COL15A1: variants seen among roughly 807,000 people sequenced by gnomAD.
The protein encoded by COL15A1 is collagen alpha-1(XV) chain.
In COL15A1, 111 loss-of-function variants were observed where a neutral mutation model predicts 165.9. That is an observed-to-expected ratio of 0.67 (90% CI 0.57 to 0.78). The LOEUF is 0.78. Ranked by LOEUF, COL15A1 falls within the 30% of genes least tolerant of loss-of-function variation. The pLI, the probability that COL15A1 is intolerant of heterozygous loss-of-function variation, is 0.00. For synonymous variants in COL15A1, 659 were observed against 674.8 expected, an observed-to-expected ratio of 0.98 and a Z score of 0.36; for missense variants, 1,745 against 1,789.7, an observed-to-expected ratio of 0.98 and a Z score of 0.45.
In COL15A1 at chr9:98,984,883, C is replaced by T. The variant is rs371554405; in HGVS notation, c.101-682C>T. Reference sequence around the variant, plus strand: ...CTCAGCTCACTGCAACCACCACCTCCGGGGTTCAAGTGATTCTGCTGCCTC... The same window carrying T: ...CTCAGCTCACTGCAACCACCACCTCTGGGGTTCAAGTGATTCTGCTGCCTC... On this transcript the variant is annotated intron_variant, in intron 2 of 41. Coordinates refer to ENST00000375001, the MANE Select transcript of COL15A1 (RefSeq NM_001855.5). Among the ~76,000 whole-genome samples the T allele has an allele frequency of 2.8e-4, 42 of 152,252 alleles. 1 individual carries two copies. In the South Asian group the frequency reaches 7.9e-3, roughly 29 times the overall value.
At chr9:99,058,236 G>C (rs1397029755) in intron 35 of COL15A1, among the ~76,000 whole-genome samples, 1 of 152,182 alleles carries the variant, frequency 6.6e-6, no homozygotes, top group Non-Finnish European at 1.5e-5. Flanking sequence ...TCCTGGGATG[G>C]GGAAGTCCTA....
chr9:98,969,725 G>T (rs949005870), intron 2 of COL15A1, among the ~76,000 whole-genome samples: 1 of 152,242 alleles, frequency 6.6e-6, no homozygotes, highest in Non-Finnish European at 1.5e-5. Context: ...GTGCTTCCTG[G>T]AGTGGGTCAG....
chr9:98,952,942 A>G (rs978653360), intron 2 of COL15A1, among the ~76,000 whole-genome samples: 15 of 152,128 alleles, frequency 9.9e-5, no homozygotes, highest in Non-Finnish European at 5.9e-5. Flanking sequence ...ACTTTGTGCT[A>G]TGTTTTACAG....
intron 6 of COL15A1, among the ~76,000 whole-genome samples, chr9:98,999,227 C>T (rs1838604544): frequency 6.6e-6 from 1 of 152,208 alleles, no homozygotes; most frequent in African/African-American, 2.4e-5. Context: ...GGGCCTGGCC[C>T]GGGGACAGGC....
At chr9:99,061,895 C>T in intron 36 of COL15A1, 76 bp from the exon 37 acceptor site, 1 of 1,520,216 alleles carries the variant, frequency 6.6e-7, no homozygotes, top group South Asian at 1.3e-5. Flanking sequence ...GTTGACTTTA[C>T]AGAGAGGCCA....
At chr9:99,002,179 C>T (rs182939599) in intron 7 of COL15A1, among the ~76,000 whole-genome samples, 71 of 148,528 alleles carry the variant, frequency 4.8e-4, no homozygotes, top group African/African-American at 1.7e-3. Context: ...TTCTCCCCTC[C>T]CCTCCTCTTC....
chr9:98,995,747 G>A (rs1838531506), intron 5 of COL15A1, among the ~76,000 whole-genome samples: 1 of 152,190 alleles, frequency 6.6e-6, no homozygotes, highest in Non-Finnish European at 1.5e-5. Context: ...TAGGACTCAA[G>A]GTGATTTCTC....
chr9:99,029,131 C>T (rs1446362054), intron 16 of COL15A1, among the ~76,000 whole-genome samples: 2 of 152,202 alleles, frequency 1.3e-5, no homozygotes, highest in African/African-American at 2.4e-5. Flanking sequence ...ATTCAGTTCT[C>T]GGAACACACC....
chr9:99,039,539 A>G (rs1423802431), intron 22 of COL15A1, among the ~76,000 whole-genome samples: 1 of 152,178 alleles, frequency 6.6e-6, no homozygotes. Flanking sequence ...ACCAAAATAT[A>G]CATTATTTCT....
chr9:99,017,101 G>A (rs1049173039), intron 11 of COL15A1, among the ~76,000 whole-genome samples: 1 of 152,260 alleles, frequency 6.6e-6, no homozygotes, highest in African/African-American at 2.4e-5. Flanking sequence ...CTTGTAGATA[G>A]AGATGAATGT....
At position 99,054,565 on chromosome 9, in the gene COL15A1, T is replaced by C; in HGVS notation, c.2951-11T>C. The C allele has an allele frequency of 6.3e-7, 1 of 1,599,854 alleles. No homozygotes were observed. Among genetic ancestry groups the C allele is most frequent in the Non-Finnish European group, 8.5e-7 (1 of 1,175,652 alleles). Reference sequence around the variant, plus strand: ...TCCATTTTTTTTTAACATGTATGTGTTTGGTGGCAGGTGTTAAAGGAGAGA... The same window carrying C: ...TCCATTTTTTTTTAACATGTATGTGCTTGGTGGCAGGTGTTAAAGGAGAGA... On this transcript the variant is annotated splice_polypyrimidine_tract_variant and intron_variant, in intron 31 of 41. Transcript: ENST00000375001.
Position 99,054,601 on chromosome 9 carries a change from G to T in COL15A1, c.2976G>T (p.Trp992Cys). The stretch of plus-strand genomic sequence containing the variant: ...GTGTTAAAGGAGAGAAAGGATCCTG[G>T]GGTCTTCCTGGCTCAAAGGGAGAAA... ...FHGVKGEKGS[W>C]GLPGSKGEKG... Residue 992 changes from tryptophan to cysteine, a missense_variant, in exon 32 of 42, where the codon TGG becomes TGT. By Grantham distance (215) the Trp-to-Cys change is radical. Transcript: ENST00000375001. 1 of 1,613,036 alleles carries T rather than the reference G, an allele frequency of 6.2e-7. No individual in the cohort carries two copies. Among genetic ancestry groups the T allele is most frequent in the Non-Finnish European group, 8.5e-7 (1 of 1,179,618 alleles).
intron 26 of COL15A1, among the ~76,000 whole-genome samples, chr9:99,045,226 G>A (rs1397294258): frequency 6.6e-6 from 1 of 152,228 alleles, no homozygotes; most frequent in Admixed American, 6.5e-5. Context: ...CCAGGAAGGA[G>A]AGGTGCACTT....
At chr9:99,022,610 C>T (rs995295275) in intron 13 of COL15A1, among the ~76,000 whole-genome samples, 8 of 152,178 alleles carry the variant, frequency 5.3e-5, no homozygotes, top group Non-Finnish European at 1.0e-4. Context: ...GTCTCTCCGC[C>T]TCCATGTCAC....
chr9:99,061,323 T>A lies in COL15A1; in HGVS notation c.3403-648T>A, dbSNP rs188735182. Among the ~76,000 whole-genome samples the A allele has an allele frequency of 7.4e-4, 112 of 152,352 alleles. No homozygotes were observed. In the South Asian group the frequency reaches 0.011, roughly 15 times the overall value. ...TGAAAAATAAAAACTCTCTTGGCCG[T>A]TATTTCTTTGAGATTTGATGCTATT... On this transcript the variant is annotated intron_variant, in intron 36 of 41. Coordinates refer to ENST00000375001, the MANE Select transcript of COL15A1 (RefSeq NM_001855.5).
chr9:98,993,813 C>T (rs986516704), intron 5 of COL15A1, among the ~76,000 whole-genome samples: 1 of 152,138 alleles, frequency 6.6e-6, no homozygotes, highest in Non-Finnish European at 1.5e-5. Flanking sequence ...TCAGACAGTC[C>T]CCGCCCGCCC....
rs183736471 is a variant in COL15A1, at chr9:99,036,031, G to A, written c.2290-139G>A. 5.8e-4 allele frequency: 393 copies of A among 679,338 alleles called. 1 individual carries two copies. In the African/African-American group the frequency reaches 6.2e-3, roughly 11 times the overall value. 42.1% of individuals were successfully genotyped at this position (679,338 alleles called of 1,614,324 possible). Reference sequence around the variant, plus strand: ...GTTGCTTCCTTCTGACTCCAGAAGGGGCATTTTTCGCTTATTCTTGGTTCC... The same window carrying A: ...GTTGCTTCCTTCTGACTCCAGAAGGAGCATTTTTCGCTTATTCTTGGTTCC... On this transcript the variant is annotated intron_variant, in intron 19 of 41. Coordinates refer to ENST00000375001, the MANE Select transcript of COL15A1 (RefSeq NM_001855.5).
chr9:98,989,505 A>G (rs1358240346), intron 5 of COL15A1, among the ~76,000 whole-genome samples: 2 of 152,236 alleles, frequency 1.3e-5, no homozygotes, highest in African/African-American at 4.8e-5. Context: ...GTCAAGGGCA[A>G]ACGCTGTGCT....
intron 34 of COL15A1, 56 bp from the exon 35 acceptor site, chr9:99,056,204 G>T: frequency 1.3e-6 from 2 of 1,532,110 alleles, no homozygotes; most frequent in South Asian, 2.2e-5. Context: ...GGACTAGATG[G>T]GACTTCGAGT....
Sources: gnomAD v4.1 joint callset for allele counts (sites outside exome capture counted in the v4.1 genomes callset) on GRCh38, gnomAD v4.1.1 for gene constraint, MANE v1.5 for transcripts, NCBI Gene and HGNC (gene_info 2026-07-23, HGNC 2026-07-21) for gene names.